Variants in SPOCK1 observed in about 807,000 individuals in gnomAD.
SPOCK1 encodes testican-1.
A neutral mutation model predicts 55.3 loss-of-function variants in SPOCK1; 23 were observed. The observed-to-expected ratio is 0.42, with a 90% CI of 0.30 to 0.59. The LOEUF is 0.59. Among genes scored for constraint, SPOCK1 ranks in the 20% least tolerant of loss-of-function variants. The pLI, the probability that SPOCK1 is intolerant of heterozygous loss-of-function variation, is 0.22. For missense variants in SPOCK1, 499 were observed against 552.5 expected, an observed-to-expected ratio of 0.90 and a Z score of 0.97; for synonymous variants, 226 against 221.0, an observed-to-expected ratio of 1.02 and a Z score of -0.20.
intron 5 of SPOCK1, among the ~76,000 whole-genome samples, chr5:137,073,884 G>T (rs1580736625): frequency 6.6e-6 from 1 of 152,252 alleles, no homozygotes; most frequent in African/African-American, 2.4e-5. Flanking sequence ...ACACAAAGAA[G>T]AAAATGCACA....
intron 4 of SPOCK1, among the ~76,000 whole-genome samples, chr5:137,122,240 TAC>T (rs772246376): frequency 1.5e-5 from 2 of 132,952 alleles, no homozygotes; most frequent in African/African-American, 2.9e-5. Flanking sequence ...AAAGCAGTTA[TAC>T]ACACACACAC....
At chr5:137,323,429 A>G (rs1238537116) in intron 2 of SPOCK1, among the ~76,000 whole-genome samples, 1 of 152,172 alleles carries the variant, frequency 6.6e-6, no homozygotes, top group East Asian at 1.9e-4. Context: ...GACAAATAAG[A>G]ACATCACATA....
At chr5:137,293,671 C>T (rs577176577) in intron 2 of SPOCK1, among the ~76,000 whole-genome samples, 5 of 152,272 alleles carry the variant, frequency 3.3e-5, no homozygotes, top group East Asian at 3.9e-4. Context: ...GACAAGAGCT[C>T]GGAATAAGCA....
At chr5:137,394,860 A>G (rs1036238490) in intron 2 of SPOCK1, among the ~76,000 whole-genome samples, 3 of 152,238 alleles carry the variant, frequency 2.0e-5, no homozygotes, top group Non-Finnish European at 4.4e-5. Context: ...CCATGGATGG[A>G]CTTCACAGGG....
intron 5 of SPOCK1, among the ~76,000 whole-genome samples, chr5:137,092,737 G>A (rs1451972773): frequency 6.6e-6 from 1 of 152,198 alleles, no homozygotes; most frequent in East Asian, 1.9e-4. Flanking sequence ...GGATGGATGA[G>A]CACAGTGCCT....
intron 3 of SPOCK1, among the ~76,000 whole-genome samples, chr5:137,248,102 G>A (rs900438446): frequency 1.3e-5 from 2 of 152,130 alleles, no homozygotes; most frequent in Admixed American, 1.3e-4. Context: ...ACATAACTTA[G>A]AGGTGAAGGA....
intron 3 of SPOCK1, among the ~76,000 whole-genome samples, chr5:137,180,214 A>C (rs1305371402): frequency 6.6e-6 from 1 of 152,218 alleles, no homozygotes; most frequent in Non-Finnish European, 1.5e-5. Flanking sequence ...CCAGGCACAC[A>C]GCACATGCAA....
intron 3 of SPOCK1, among the ~76,000 whole-genome samples, chr5:137,214,820 G>A (rs954422595): frequency 2.0e-5 from 3 of 152,160 alleles, no homozygotes; most frequent in Admixed American, 6.5e-5. Context: ...AGAATTTATA[G>A]TATATCAAAT....
chr5:137,314,128 A>G (rs570148930), intron 2 of SPOCK1, among the ~76,000 whole-genome samples: 9 of 150,526 alleles, frequency 6.0e-5, no homozygotes, highest in Admixed American at 3.3e-4. Flanking sequence ...TTAACCCTCC[A>G]TTTCTCCCCA....
At position 137,276,576 on chromosome 5, in the gene SPOCK1, G is replaced by A. The variant is rs535858988; in HGVS notation, c.187-9521C>T. On this transcript the variant is annotated intron_variant, in intron 2 of 10. Transcript: ENST00000394945. ...CCAGGTACTCTAACATCTACTGAAT[G>A]AATAAGATAACAATCCAACCTCGGC... 9.2e-5 allele frequency among the ~76,000 whole-genome samples: 14 copies of A among 152,354 alleles called. No individual in the cohort carries two copies. The South Asian group carries it at 2.9e-3, about 32-fold the overall frequency.
intron 2 of SPOCK1, among the ~76,000 whole-genome samples, chr5:137,270,423 C>T (rs1756939692): frequency 6.6e-6 from 1 of 152,176 alleles, no homozygotes; most frequent in African/African-American, 2.4e-5. Context: ...TGAAGGATGG[C>T]AGTGTTACTA....
At chr5:137,434,396 A>G (rs1268245971) in intron 2 of SPOCK1, among the ~76,000 whole-genome samples, 2 of 151,818 alleles carry the variant, frequency 1.3e-5, no homozygotes, top group Non-Finnish European at 2.9e-5. Context: ...TCTCACACTC[A>G]AACTATATTA....
At chr5:137,285,886 T>A (rs1238020798) in intron 2 of SPOCK1, among the ~76,000 whole-genome samples, 1 of 152,180 alleles carries the variant, frequency 6.6e-6, no homozygotes, top group African/African-American at 2.4e-5. Flanking sequence ...ATTGTTTTTT[T>A]TTTCTGTAAA....
chr5:137,399,095 A>G (rs9327789), intron 2 of SPOCK1, among the ~76,000 whole-genome samples: 27,293 of 152,110 alleles, frequency 0.18, 2,881 homozygotes, highest in African/African-American at 0.28. Context: ...CATTTATATT[A>G]TAATAAGCCT....
chr5:137,024,319 G>GGGGGT (rs1751630132), intron 6 of SPOCK1, among the ~76,000 whole-genome samples: 1 of 148,152 alleles, frequency 6.7e-6, no homozygotes, highest in Non-Finnish European at 1.5e-5. Context: ...TTTGAAGGGG[G>GGGGGT]GGGGGTAGTT....
At chr5:137,030,490 T>C (rs553275057) in intron 6 of SPOCK1, among the ~76,000 whole-genome samples, 2 of 152,170 alleles carry the variant, frequency 1.3e-5, no homozygotes, top group Non-Finnish European at 2.9e-5. Context: ...AAAGAAAAAA[T>C]GTTCAACCTC....
intron 5 of SPOCK1, among the ~76,000 whole-genome samples, chr5:137,099,453 C>T (rs1213977906): frequency 6.6e-6 from 1 of 152,070 alleles, no homozygotes; most frequent in African/African-American, 2.4e-5. Context: ...TGAATGAATG[C>T]ACGTTCTCTG....
intron 5 of SPOCK1, among the ~76,000 whole-genome samples, chr5:137,103,020 T>C (rs572872258): frequency 6.6e-6 from 1 of 152,328 alleles, no homozygotes; most frequent in African/African-American, 2.4e-5. Flanking sequence ...AGATAGAATC[T>C]TGCTCTGTTG....
chr5:137,197,974 A>C (rs529840192), intron 3 of SPOCK1, among the ~76,000 whole-genome samples: 2 of 152,244 alleles, frequency 1.3e-5, no homozygotes, highest in African/African-American at 2.4e-5. Context: ...AATTGTACAA[A>C]AATAAGAAAG....
Sources: gnomAD v4.1 joint callset for allele counts (sites outside exome capture counted in the v4.1 genomes callset) on GRCh38, gnomAD v4.1.1 for gene constraint, MANE v1.5 for transcripts, NCBI Gene and HGNC (gene_info 2026-07-23, HGNC 2026-07-21) for gene names.